MDN1: variants seen among roughly 807,000 people sequenced by gnomAD.
MDN1 encodes the protein midasin AAA ATPase 1.
MDN1 carries 266 observed loss-of-function variants against 669.2 expected under a neutral mutation model. The ratio of observed to expected loss-of-function variants is 0.40; its 90% CI spans 0.36 to 0.44. The LOEUF (loss-of-function observed/expected upper bound fraction) is 0.44, where lower values mean the gene tolerates loss of function less well. MDN1 is among the 20% of genes least tolerant of loss of function. The probability of loss-of-function intolerance (pLI) is 1.00; values close to 1 mark genes in which losing one functional copy is unlikely to be tolerated. For synonymous variants in MDN1, 2,385 were observed against 2,457.1 expected (o/e 0.97, Z 0.87); for missense variants, 5,940 against 6,754.0 (o/e 0.88, Z 4.22).
Position 89,696,524 on chromosome 6 carries a change from G to A in MDN1, c.9219C>T (p.Val3073=), listed in dbSNP as rs750722068. The A allele has an allele frequency of 1.2e-6, 2 of 1,614,210 alleles. No individual in the cohort carries two copies. The highest frequency in any genetic ancestry group is 2.2e-5 in the South Asian group (2 of 91,080). ...GACTTGCTCTCCAGCTGCTGGTTAA[G>A]ACTTCAAAGCAGCACTTAGAGAATA... ...RPIFSKCCFE[V]LTSSWRASPW... The change falls in exon 60 of 102, where the codon GTC becomes GTT. Residue 3073 remains valine, a synonymous_variant. Coordinates refer to ENST00000369393, the MANE Select transcript of MDN1 (RefSeq NM_014611.3).
intron 84 of MDN1, among the ~76,000 whole-genome samples, chr6:89,666,025 A>G (rs1378834767): frequency 6.6e-6 from 1 of 152,156 alleles, no homozygotes; most frequent in Non-Finnish European, 1.5e-5. Context: ...TTGGGGAGAG[A>G]GCAAGACTCT....
intron 97 of MDN1, among the ~76,000 whole-genome samples, chr6:89,649,274 A>G (rs1808692701): frequency 2.6e-5 from 4 of 152,238 alleles, no homozygotes; most frequent in Admixed American, 2.6e-4. Flanking sequence ...GGTTATTACT[A>G]TTCTATGTGT....
Position 89,649,937 on chromosome 6 carries a change from T to C in MDN1, c.16206+87A>G, listed in dbSNP as rs1216490301. ...CATATCATATTTAAAGCATTAGCCA[T>C]ATCATATTTAAAGCATTTTGGTGGC... On this transcript the variant is annotated intron_variant, in intron 97 of 101. Coordinates refer to ENST00000369393, the MANE Select transcript of MDN1 (RefSeq NM_014611.3). The C allele has an allele frequency of 1.2e-5, 16 of 1,338,642 alleles. No individual in the cohort carries two copies. In the Admixed American group the frequency reaches 2.9e-4, roughly 24 times the overall value. 82.9% of individuals were successfully genotyped at this position (1,338,642 alleles called of 1,614,324 possible). A position where few individuals can be genotyped will look rare whatever the true frequency, so the allele number is the denominator to read the frequency against.
intron 9 of MDN1, among the ~76,000 whole-genome samples, chr6:89,782,205 C>A (rs893846745): frequency 6.6e-6 from 1 of 152,106 alleles, no homozygotes; most frequent in Non-Finnish European, 1.5e-5. Flanking sequence ...ATATAAGCAA[C>A]CAACTCTAAA....
intron 16 of MDN1, 127 bp from the exon 17 acceptor site, chr6:89,761,875 A>G: frequency 1.5e-6 from 1 of 671,570 alleles, no homozygotes; most frequent in South Asian, 2.1e-5. Flanking sequence ...AAGTCTAAAA[A>G]CTTGTATAAT....
rs143107841 is a variant in MDN1 at position 89,682,699 on chromosome 6, T to TA, written c.12102+432dup. Among the ~76,000 whole-genome samples, 692 of 96,780 alleles carry TA rather than the reference T, an allele frequency of 7.2e-3. 7 individuals carry two copies. Among genetic ancestry groups the TA allele is most frequent in the African/African-American group, 0.016 (401 of 25,862 alleles). 63.5% of individuals were successfully genotyped at this position (96,780 alleles called of 152,430 possible). On this transcript the variant is annotated intron_variant, in intron 73 of 101. Transcript: ENST00000369393. ...CTCCAGCCTGAGCGAGACTCTGTCT[T>TA]AAAAAAAAAAAAAAAAAAAAAAAAA...
chr6:89,817,255 T>C (rs1768902860), intron 1 of MDN1, among the ~76,000 whole-genome samples: 1 of 152,218 alleles, frequency 6.6e-6, no homozygotes, highest in Admixed American at 6.5e-5. Context: ...TCATGAGCCA[T>C]GGTCACTCAC....
chr6:89,680,825 ACTGTTGC>A, intron 73 of MDN1, 74 bp from the exon 74 acceptor site: 1 of 1,496,356 alleles, frequency 6.7e-7, no homozygotes, highest in South Asian at 1.3e-5. Context: ...ACTAAATTTA[ACTGTTGC>A]ACACAAAAAC....
intron 40 of MDN1, 90 bp downstream of exon 40, chr6:89,722,865 A>AAAAAT (rs1554186697): frequency 1.5e-5 from 13 of 840,556 alleles, no homozygotes; most frequent in Non-Finnish European, 1.9e-5. Flanking sequence ...AAAAAAAAAA[A>AAAAAT]AAGGCTTGCA....
At chr6:89,646,713 C>T in intron 99 of MDN1, 110 bp from the exon 100 acceptor site, 1 of 883,512 alleles carries the variant, frequency 1.1e-6, no homozygotes, top group Non-Finnish European at 1.8e-6. Context: ...ATAACCACCT[C>T]AGGTTTACAG....
Position 89,790,220 on chromosome 6 carries a change from G to C in MDN1, c.1037C>G (p.Thr346Arg). The change falls in exon 6 of 102, where the codon ACA becomes AGA. Residue 346 changes from threonine to arginine, a missense_variant. Physicochemically the swap from Thr to Arg is moderately conservative, Grantham distance 71 (BLOSUM62 -1). Around this residue, in one of 5 missense-constraint regions of MDN1, gnomAD observed 1,203 missense variants for 1,268.9 expected, o/e 0.95. Coordinates refer to ENST00000369393, the MANE Select transcript of MDN1 (RefSeq NM_014611.3). ...AAGCTGAGGAGGCTTTGTTCTACCT[G>C]TCACTGCAGCTAAATATTCAACTAA... ...TSLVEYLAAVTGRTKPPQLLK... is the reference protein window; with the variant it reads ...TSLVEYLAAVRGRTKPPQLLK... 6.2e-7 allele frequency: 1 copy of C among 1,614,140 alleles called. No homozygotes were observed. Among genetic ancestry groups the C allele is most frequent in the East Asian group, 2.2e-5 (1 of 44,886 alleles).
Position 89,712,433 on chromosome 6 carries a change from T to A in MDN1, c.7430+142A>T, listed in dbSNP as rs1446986282. ...AATAAATAATCAATAGGGAGCAATA[T>A]CACAATGAACAATAAAACTATGACA... On this transcript the variant is annotated intron_variant, in intron 48 of 101. Coordinates refer to ENST00000369393, the MANE Select transcript of MDN1 (RefSeq NM_014611.3). The A allele has an allele frequency of 1.4e-5, 14 of 993,962 alleles. No individual in the cohort carries two copies. In the South Asian group the frequency reaches 2.2e-4, roughly 16 times the overall value. The allele number at this position is 993,962 out of a possible 1,614,324, so 61.6% of individuals were successfully genotyped here.
chr6:89,811,217 C>T (rs1768393226), intron 1 of MDN1, among the ~76,000 whole-genome samples: 1 of 151,888 alleles, frequency 6.6e-6, no homozygotes, highest in African/African-American at 2.4e-5. Flanking sequence ...TACTAAAACC[C>T]ATGAAAGGGT....
At chr6:89,814,499 C>T (rs567642218) in intron 1 of MDN1, among the ~76,000 whole-genome samples, 1 of 151,626 alleles carries the variant, frequency 6.6e-6, no homozygotes, top group Non-Finnish European at 1.5e-5. Flanking sequence ...GCTGTGATGA[C>T]AGGCATGAAC....
chr6:89,685,053 C>G (rs1210015908), intron 70 of MDN1, 68 bp from the exon 71 acceptor site: 1 of 1,034,070 alleles, frequency 9.7e-7, no homozygotes, highest in African/African-American at 1.6e-5. Context: ...CAGCTGTGGC[C>G]TTCATATTTC....
chr6:89,774,754 C>G (rs776650235), intron 12 of MDN1, 21 bp from the exon 13 acceptor site: 2 of 1,540,230 alleles, frequency 1.3e-6, no homozygotes, highest in Non-Finnish European at 1.8e-6. Context: ...TAAGATTTTA[C>G]CTGAGTAAAA....
chr6:89,703,107 T>C (rs2128310290), intron 53 of MDN1, among the ~76,000 whole-genome samples: 1 of 152,216 alleles, frequency 6.6e-6, no homozygotes, highest in South Asian at 2.1e-4. Flanking sequence ...GCTAATTGTT[T>C]TGTATTTTTA....
Position 89,771,581 on chromosome 6 carries a change from A to G in MDN1, c.2124T>C (p.Asp708=). Residue 708 remains aspartate, a synonymous_variant, in exon 15 of 102, where the codon GAT becomes GAC. Transcript: ENST00000369393. The part of the protein sequence containing the change: ...LRVVNMNQQS[D]TADLLGGYKP... ...CTTACCCTCCAAGCAAGTCTGCAGT[A>G]TCACTTTGTTGATTCATATTGACAA... 1 of 1,614,032 alleles carries G rather than the reference A, an allele frequency of 6.2e-7. No homozygotes were observed.
chr6:89,657,894 C>T (rs1809436306), intron 90 of MDN1, among the ~76,000 whole-genome samples: 1 of 152,216 alleles, frequency 6.6e-6, no homozygotes, highest in South Asian at 2.1e-4. Flanking sequence ...AGTACAGTAA[C>T]ATACTGTACA....
Sources: gnomAD v4.1 joint callset for allele counts (sites outside exome capture counted in the v4.1 genomes callset) on GRCh38, gnomAD v4.1.1 for gene constraint, gnomAD v4.1.1 regional missense constraint, MANE v1.5 for transcripts, NCBI Gene and HGNC (gene_info 2026-07-23, HGNC 2026-07-21) for gene names.